ABCC3: variants seen among roughly 807,000 people sequenced by gnomAD.
ABCC3 encodes ATP binding cassette subfamily C member 3, also known as ATP-binding cassette sub-family C member 3.
A neutral mutation model predicts 165.3 loss-of-function variants in ABCC3; 121 were observed. The observed-to-expected ratio is 0.73, with a 90% CI of 0.63 to 0.85. The LOEUF (loss-of-function observed/expected upper bound fraction) is 0.85, where lower values mean the gene tolerates loss of function less well. ABCC3 is among the 40% of genes least tolerant of loss of function. The pLI is 0.00. For missense variants in ABCC3, 1,869 were observed against 1,964.1 expected (o/e 0.95, Z 0.92); for synonymous variants, 733 against 810.1 (o/e 0.90, Z 1.62).
chr17:50,680,411 T>C (rs1363801158), intron 26 of ABCC3, among the ~76,000 whole-genome samples: 1 of 151,986 alleles, frequency 6.6e-6, no homozygotes, highest in East Asian at 1.9e-4. Context: ...TCCAGACTTT[T>C]CTCCACCGCC....
intron 17 of ABCC3, among the ~76,000 whole-genome samples, chr17:50,672,668 C>G (rs1166704009): frequency 1.3e-5 from 2 of 152,134 alleles, no homozygotes; most frequent in East Asian, 3.8e-4. Flanking sequence ...AGTTGGAGAC[C>G]AGGCTGGGCA....
At chr17:50,669,712 A>G (rs781527627) in intron 17 of ABCC3, among the ~76,000 whole-genome samples, 184 bp downstream of exon 17, 1 of 152,206 alleles carries the variant, frequency 6.6e-6, no homozygotes, top group Non-Finnish European at 1.5e-5. Context: ...GGAACTATTG[A>G]ATATTCTAGG....
intron 1 of ABCC3, among the ~76,000 whole-genome samples, chr17:50,654,937 C>T (rs919244584): frequency 6.7e-5 from 9 of 134,200 alleles, no homozygotes; most frequent in African/African-American, 2.6e-4. Context: ...ATTAAAAATA[C>T]AAAAAAAAAA....
chr17:50,674,949 G>C (rs1234432245), intron 19 of ABCC3, among the ~76,000 whole-genome samples: 1 of 151,816 alleles, frequency 6.6e-6, no homozygotes, highest in Non-Finnish European at 1.5e-5. Flanking sequence ...ATAGGTGCCC[G>C]CCACCACGCC....
chr17:50,688,444 T>C (rs969462861), intron 30 of ABCC3: 1 of 152,336 alleles, frequency 6.6e-6, no homozygotes, highest in South Asian at 2.1e-4. Context: ...GCAACTCAAG[T>C]GGCAGCTGGA....
chr17:50,674,032 CTCTCTTTCTTTCTTTCTTTCTTTCTT>C lies in ABCC3; in HGVS notation c.2599+378_2599+403del, dbSNP rs1567835740. On this transcript the variant is annotated intron_variant, in intron 19 of 30. Coordinates refer to ENST00000285238, the MANE Select transcript of ABCC3 (RefSeq NM_003786.4). ...TCTCTCTCTCTCTCTCTCTCTCTCTCTCTCTTTCTTTCTTTCTTTCTTTCTTTCTTTCTTTCTTTCTTTTTTTTCTT... is the reference window on the plus strand; with the variant it reads ...TCTCTCTCTCTCTCTCTCTCTCTCTCTCTTTCTTTCTTTCTTTTTTTTCTT... Among the ~76,000 whole-genome samples, 17 of 28,626 alleles carry C rather than the reference CTCTCTTTCTTTCTTTCTTTCTTTCTT, an allele frequency of 5.9e-4. 4 individuals carry two copies. The highest frequency in any genetic ancestry group is 2.4e-3 in the African/African-American group (8 of 3,334). The allele number at this position is 28,626 out of a possible 152,430, so 18.8% of individuals were successfully genotyped here.
intron 19 of ABCC3, among the ~76,000 whole-genome samples, chr17:50,673,969 T>TTTCTTTCTTTCTTTCCTTCC (rs1967720911): frequency 6.1e-5 from 1 of 16,498 alleles, no homozygotes; most frequent in Non-Finnish European, 1.1e-4. Context: ...TCTTTCTTTC[T>TTTCTTTCTTTCTTTCCTTCC]TTCTTTCTTT....
intron 28 of ABCC3, 95 bp downstream of exon 28, chr17:50,684,202 G>T: frequency 6.8e-7 from 1 of 1,480,346 alleles, no homozygotes; most frequent in Non-Finnish European, 9.0e-7. Context: ...TGGGACCCCA[G>T]TCTCAGAGGC....
At chr17:50,673,246 A>C in intron 18 of ABCC3, 108 bp downstream of exon 18, 1 of 1,421,784 alleles carries the variant, frequency 7.0e-7, no homozygotes, top group Non-Finnish European at 9.5e-7. Flanking sequence ...TGGGGGGCGC[A>C]AGAAGTGGGC....
In ABCC3 at chr17:50,676,071, T is replaced by C; in HGVS notation, c.3048T>C (p.Ala1016=). 1 of 1,614,194 alleles carries C rather than the reference T, an allele frequency of 6.2e-7. No homozygotes were observed. ...CTTCCCTGAGGCTGGGCGTCTATGC[T>C]GCTTTAGGAATTCTGCAAGGTGAGC... ...NNTSLRLGVY[A]ALGILQGFLV... is the part of the protein sequence containing the mutation. The change falls in exon 22 of 31, where the codon GCT becomes GCC. Residue 1016 remains alanine, a synonymous_variant. Coordinates refer to ENST00000285238, the MANE Select transcript of ABCC3 (RefSeq NM_003786.4).
At chr17:50,657,311 T>A in intron 4 of ABCC3, 128 bp downstream of exon 4, 7 of 1,276,434 alleles carry the variant, frequency 5.5e-6, no homozygotes, top group Non-Finnish European at 6.5e-6. Flanking sequence ...ATTGTGTTGT[T>A]CTCCACTTGC....
chr17:50,639,202 C>T (rs905321999), intron 1 of ABCC3, among the ~76,000 whole-genome samples: 3 of 152,202 alleles, frequency 2.0e-5, no homozygotes, highest in Non-Finnish European at 4.4e-5. Flanking sequence ...CCAGAGCTCC[C>T]GGGGCTCCTT....
Position 50,673,090 on chromosome 17 carries a change from G to T in ABCC3, c.2361G>T (p.Lys787Asn), listed in dbSNP as rs1350623568. 6.2e-7 allele frequency: 1 copy of T among 1,614,030 alleles called. No homozygotes were observed. The highest frequency in any genetic ancestry group is 8.5e-7 in the Non-Finnish European group (1 of 1,180,046). ...PLSAVDSHVA[K>N]HIFDHVIGPE... is the part of the protein sequence containing the mutation. ...CCGCGGTGGACTCTCATGTGGCCAA[G>T]CACATCTTTGACCACGTCATCGGGC... Residue 787 changes from lysine to asparagine, a missense_variant, in exon 18 of 31, where the codon AAG (lysine) becomes AAT (asparagine). Physicochemically the swap from Lys to Asn is moderately conservative, Grantham distance 94. Transcript: ENST00000285238.
chr17:50,653,073 C>T (rs985750736), intron 1 of ABCC3, among the ~76,000 whole-genome samples: 4 of 152,124 alleles, frequency 2.6e-5, no homozygotes, highest in Non-Finnish European at 4.4e-5. Context: ...AGGCCGGGCA[C>T]GGTGGCTCAC....
In ABCC3 at chr17:50,656,740, C is replaced by A. The variant is rs756614184; in HGVS notation, c.261C>A (p.Asp87Glu). 25 of 1,614,016 alleles carry A rather than the reference C, an allele frequency of 1.5e-5. No individual in the cohort carries two copies. The highest frequency in any genetic ancestry group is 2.2e-5 in the East Asian group (1 of 44,870). Residue 87 changes from aspartate to glutamate, a missense_variant, in exon 3 of 31, where the codon GAC becomes GAA. By Grantham distance (45) the Asp-to-Glu change is conservative. Coordinates refer to ENST00000285238, the MANE Select transcript of ABCC3 (RefSeq NM_003786.4). ...GVLLWCVSWA[D>E]LFYSFHGLVH... is the part of the protein sequence containing the mutation. Reference sequence around the variant, plus strand: ...TGCTGTGGTGCGTCTCCTGGGCGGACCTTTTTTACTCCTTCCATGGCCTGG... The same window carrying A: ...TGCTGTGGTGCGTCTCCTGGGCGGAACTTTTTTACTCCTTCCATGGCCTGG...
At position 50,677,725 on chromosome 17, in the gene ABCC3, C is replaced by T; in HGVS notation, c.3379-19C>T. The T allele has an allele frequency of 1.2e-6, 2 of 1,610,836 alleles. No individual in the cohort carries two copies. The highest frequency in any genetic ancestry group is 1.7e-6 in the Non-Finnish European group (2 of 1,177,512). ...GGGGTTCCATGGCCCTGACCCCAAACTCCTTCTCCCTCCATCAGCGCTTCT... is the reference window on the plus strand; with the variant it reads ...GGGGTTCCATGGCCCTGACCCCAAATTCCTTCTCCCTCCATCAGCGCTTCT... On this transcript the variant is annotated intron_variant, in intron 23 of 30. Transcript: ENST00000285238.
intron 29 of ABCC3, among the ~76,000 whole-genome samples, chr17:50,685,826 T>C (rs1480083136): frequency 6.6e-6 from 1 of 151,984 alleles, no homozygotes; most frequent in Non-Finnish European, 1.5e-5. Context: ...CCCTCCATCT[T>C]CTCCTCCTCC....
chr17:50,640,087 A>G (rs945550565), intron 1 of ABCC3, among the ~76,000 whole-genome samples: 3 of 152,128 alleles, frequency 2.0e-5, no homozygotes, highest in Non-Finnish European at 4.4e-5. Context: ...CTGGATATTC[A>G]GGTTTCTAGT....
chr17:50,672,816 G>A (rs1967676069), intron 17 of ABCC3, among the ~76,000 whole-genome samples, 155 bp from the exon 18 acceptor site: 2 of 151,770 alleles, frequency 1.3e-5, no homozygotes, highest in Non-Finnish European at 2.9e-5. Context: ...AGGTTGCAGT[G>A]AGCCAAGATC....
Sources: allele counts gnomAD v4.1 joint callset (sites outside exome capture counted in the v4.1 genomes callset), GRCh38; gene constraint gnomAD v4.1.1; transcripts MANE v1.5; gene names NCBI Gene and HGNC (gene_info 2026-07-23, HGNC 2026-07-21).